Variants in MED16 observed in about 807,000 individuals in gnomAD.
MED16 encodes mediator complex subunit 16.
MED16 carries 81 observed loss-of-function variants against 84.4 expected under a neutral mutation model. That is an observed-to-expected ratio of 0.96 (90% CI 0.80 to 1.15). The LOEUF (loss-of-function observed/expected upper bound fraction) is 1.15, where lower values mean the gene tolerates loss of function less well. Among genes scored for constraint, MED16 ranks in the 50% most tolerant of loss-of-function variants. The pLI is 0.00. For missense variants in MED16, 1,585 were observed against 1,245.9 expected (o/e 1.27, Z -4.10); for synonymous variants, 897 against 552.2 (o/e 1.62, Z -8.76).
intron 8 of MED16, among the ~76,000 whole-genome samples, chr19:878,567 CAG>C: frequency 7.4e-6 from 1 of 135,672 alleles, no homozygotes. Flanking sequence ...GCCCCAGCCC[CAG>C]CCCCACATGC....
chr19:873,293 G>T (rs1436573056), intron 11 of MED16, among the ~76,000 whole-genome samples, 156 bp downstream of exon 11: 1 of 134,678 alleles, frequency 7.4e-6, no homozygotes, highest in African/African-American at 3.1e-5. Flanking sequence ...CCAAGCAGGG[G>T]CGGGACTCCA....
chr19:884,816 G>C, intron 6 of MED16, 87 bp downstream of exon 6: 1 of 1,052,606 alleles, frequency 9.5e-7, no homozygotes, highest in East Asian at 2.6e-5. Context: ...GACCACCCTG[G>C]GTGACACAGC....
At chr19:873,627 A>G in intron 10 of MED16, 45 bp from the exon 11 acceptor site, 1 of 1,605,712 alleles carries the variant, frequency 6.2e-7, no homozygotes, top group Non-Finnish European at 8.5e-7. Context: ...TCTTGTACAC[A>G]CAGGGTGACC....
In MED16 at chr19:877,040, A is replaced by G; in HGVS notation, c.1494T>C (p.Ser498=). The change falls in exon 9 of 16, where the codon AGT becomes AGC. Residue 498 remains serine (S), a synonymous_variant. Coordinates refer to ENST00000325464, the MANE Select transcript of MED16 (RefSeq NM_005481.3). Reference sequence around the variant, plus strand: ...GCTTCTCCACCAGGCTCTGTACCATACTGGGCTGCACGTGCAGCAGGATGT... The same window carrying G: ...GCTTCTCCACCAGGCTCTGTACCATGCTGGGCTGCACGTGCAGCAGGATGT... The part of the protein sequence containing the change: ...WWDILLHVQP[S]MVQSLVEKLH... The G allele has an allele frequency of 6.2e-7, 1 of 1,612,544 alleles. No homozygotes were observed. The highest frequency in any genetic ancestry group is 8.5e-7 in the Non-Finnish European group (1 of 1,179,876).
chr19:870,617 G>A (rs1291903083), intron 13 of MED16, among the ~76,000 whole-genome samples: 4 of 151,636 alleles, frequency 2.6e-5, no homozygotes, highest in Admixed American at 2.0e-4. Context: ...GGGTGCCCGT[G>A]TTGGGGGTGG....
chr19:889,569 G>C, intron 4 of MED16, 69 bp downstream of exon 4: 1 of 1,534,388 alleles, frequency 6.5e-7, no homozygotes, highest in Non-Finnish European at 8.8e-7. Flanking sequence ...GAGAGGAGAG[G>C]GGCTGGCGGG....
intron 5 of MED16, 112 bp downstream of exon 5, chr19:885,658 C>A (rs2036510443): frequency 7.7e-7 from 1 of 1,298,464 alleles, no homozygotes; most frequent in Admixed American, 2.1e-5. Flanking sequence ...CGGCCCTGCC[C>A]ACACCACGGT....
chr19:876,885 A>T, intron 9 of MED16, 89 bp downstream of exon 9: 1 of 1,353,072 alleles, frequency 7.4e-7, no homozygotes, highest in Non-Finnish European at 9.8e-7. Flanking sequence ...CGGGGCCCCC[A>T]CCTGCCACGG....
At chr19:881,045 G>A (rs776189740) in intron 7 of MED16, among the ~76,000 whole-genome samples, 31 of 152,194 alleles carry the variant, frequency 2.0e-4, no homozygotes, top group Non-Finnish European at 3.4e-4. Flanking sequence ...CCTGAGCCCC[G>A]AGCGGGTTTT....
chr19:873,330 C>T lies in MED16; in HGVS notation c.1905+119G>A, dbSNP rs1171119979. 19 of 252,352 alleles carry T rather than the reference C, an allele frequency of 7.5e-5. No individual in the cohort carries two copies. The East Asian group carries it at 9.5e-4, about 13-fold the overall frequency. The allele number at this position is 252,352 out of a possible 1,614,324, so 15.6% of individuals were successfully genotyped here. On this transcript the variant is annotated intron_variant, in intron 11 of 15. Transcript: ENST00000325464. Reference sequence around the variant, plus strand: ...GTAGGGGCGGGACTCCAAGTAGGGGCGGGACTCCAACTAGGGGCGGGGCTG... The same window carrying T: ...GTAGGGGCGGGACTCCAAGTAGGGGTGGGACTCCAACTAGGGGCGGGGCTG...
At chr19:874,328 G>T (rs1271733965) in intron 10 of MED16, among the ~76,000 whole-genome samples, 1 of 152,148 alleles carries the variant, frequency 6.6e-6, no homozygotes, top group Non-Finnish European at 1.5e-5. Flanking sequence ...TAGCCAGGAT[G>T]ATCTCGATCT....
rs974605296 is a variant in MED16, at chr19:871,031, A to G, written c.2315+6T>C. The G allele has an allele frequency of 1.9e-6, 3 of 1,538,556 alleles. No homozygotes were observed. The highest frequency in any genetic ancestry group is 3.9e-5 in the Admixed American group (2 of 50,674). On this transcript the variant is annotated splice_donor_region_variant and intron_variant, in intron 13 of 15. Coordinates refer to ENST00000325464, the MANE Select transcript of MED16 (RefSeq NM_005481.3). ...TGTTTGGGGACCAATGCAGGGACAC[A>G]CGCACCTGGCGAGGCCGTCGAGCTG...
intron 11 of MED16, among the ~76,000 whole-genome samples, chr19:872,456 T>C (rs1324703906): frequency 6.6e-6 from 1 of 151,882 alleles, no homozygotes; most frequent in South Asian, 2.1e-4. Context: ...CCCTGGTGAC[T>C]GTACTGGGAG....
chr19:882,547 G>A (rs925276429), intron 6 of MED16, among the ~76,000 whole-genome samples: 4 of 152,174 alleles, frequency 2.6e-5, no homozygotes, highest in Non-Finnish European at 1.5e-5. Flanking sequence ...AAAAACAGTG[G>A]CCCAGAGAGC....
chr19:880,111 G>A lies in MED16; in HGVS notation c.1179C>T (p.Ile393=), dbSNP rs200919426. ...ALAFHDGSVH[I]VHRLSLQTMA... ...TGGTCTGCAGTGAGAGCCGGTGCACGATGTGGACGCTGCCGTCGTGGAAGG... is the reference window on the plus strand; with the variant it reads ...TGGTCTGCAGTGAGAGCCGGTGCACAATGTGGACGCTGCCGTCGTGGAAGG... Residue 393 remains isoleucine, a synonymous_variant, in exon 8 of 16, where the codon ATC becomes ATT. Coordinates refer to ENST00000325464, the MANE Select transcript of MED16 (RefSeq NM_005481.3). 172 of 1,610,396 alleles carry A rather than the reference G, an allele frequency of 1.1e-4. No homozygotes were observed. The highest frequency in any genetic ancestry group is 1.9e-4 in the Middle Eastern group (1 of 5,338).
intron 11 of MED16, among the ~76,000 whole-genome samples, chr19:872,752 C>T (rs970487496): frequency 6.6e-6 from 1 of 151,594 alleles, no homozygotes; most frequent in Admixed American, 6.6e-5. Flanking sequence ...GGCCGCCCAC[C>T]CCAGGCGCAG....
chr19:873,386 CG>C, intron 11 of MED16, 62 bp downstream of exon 11: 1 of 1,348,592 alleles, frequency 7.4e-7, no homozygotes, highest in South Asian at 1.2e-5. Context: ...GGCAGGGAAG[CG>C]GGGTCCTGAT....
At chr19:870,024 G>C (rs1233008717) in intron 13 of MED16, among the ~76,000 whole-genome samples, 2 of 152,186 alleles carry the variant, frequency 1.3e-5, no homozygotes, top group African/African-American at 4.8e-5. Flanking sequence ...AGCACACTTG[G>C]GTTGCCCAAA....
intron 6 of MED16, among the ~76,000 whole-genome samples, 169 bp from the exon 7 acceptor site, chr19:881,883 C>A (rs2036428971): frequency 6.6e-6 from 1 of 152,182 alleles, no homozygotes; most frequent in African/African-American, 2.4e-5. Flanking sequence ...CCGAGCGCTT[C>A]GTGCCTCGGC....
Sources: allele counts gnomAD v4.1 joint callset (sites outside exome capture counted in the v4.1 genomes callset), GRCh38; gene constraint gnomAD v4.1.1; transcripts MANE v1.5; gene names NCBI Gene and HGNC (gene_info 2026-07-23, HGNC 2026-07-21).